The following CCT8 variants were observed in gnomAD, a reference collection of about 807,000 sequenced individuals.
The protein encoded by CCT8 is chaperonin containing TCP1 subunit 8.
Under a neutral mutation model 65.7 loss-of-function variants are expected in CCT8, and 10 were observed. That is an observed-to-expected ratio of 0.15 (90% CI 0.09 to 0.26). The LOEUF is 0.26. CCT8 is among the 10% of genes least tolerant of loss of function. The pLI, the probability that CCT8 is intolerant of heterozygous loss-of-function variation, is 1.00. For missense variants in CCT8, 568 were observed against 669.1 expected, an observed-to-expected ratio of 0.85 and a Z score of 1.67; for synonymous variants, 199 against 221.8, an observed-to-expected ratio of 0.90 and a Z score of 0.92.
At chr21:29,061,609 C>T (rs2085565281) in intron 11 of CCT8, 42 bp from the exon 12 acceptor site, 3 of 1,574,404 alleles carry the variant, frequency 1.9e-6, no homozygotes, top group Non-Finnish European at 2.6e-6. Context: ...GAACACAAAA[C>T]AAATTCACTA....
chr21:29,071,069 A>C (rs1256531231), intron 1 of CCT8, among the ~76,000 whole-genome samples: 6 of 152,228 alleles, frequency 3.9e-5, no homozygotes, highest in Admixed American at 3.9e-4. Context: ...TTGGGTCCTC[A>C]GATATATTTC....
Position 29,056,562 on chromosome 21 carries a change from A to G in CCT8, c.1570-10T>C, listed in dbSNP as rs1421865144. ...GTTTTGCCATGATGATCTGCATAAA[A>G]AAGAATCACACAAGAGTATGCTTAT... On this transcript the variant is annotated splice_polypyrimidine_tract_variant and intron_variant, in intron 14 of 14. Coordinates refer to ENST00000286788, the MANE Select transcript of CCT8 (RefSeq NM_006585.4). The G allele has an allele frequency of 6.5e-7, 1 of 1,534,218 alleles. No individual in the cohort carries two copies. Among genetic ancestry groups the G allele is most frequent in the African/African-American group, 1.4e-5 (1 of 72,120 alleles).
intron 13 of CCT8, among the ~76,000 whole-genome samples, chr21:29,060,944 CAT>C (rs564903594): frequency 9.6e-4 from 146 of 152,254 alleles, no homozygotes; most frequent in Admixed American, 2.2e-3. Flanking sequence ...AATTATATAA[CAT>C]AGTGTAAATA....
chr21:29,069,088 ACT>A (rs1165096963), intron 3 of CCT8, among the ~76,000 whole-genome samples: 1 of 152,178 alleles, frequency 6.6e-6, no homozygotes, highest in Non-Finnish European at 1.5e-5. Flanking sequence ...TTTAAAAACC[ACT>A]GTTATATGTA....
chr21:29,073,121 T>A, intron 1 of CCT8: 1 of 309,534 alleles, frequency 3.2e-6, no homozygotes, highest in Non-Finnish European at 4.9e-6. Flanking sequence ...TTCTTCCCCA[T>A]CCTACAACTC....
intron 14 of CCT8, among the ~76,000 whole-genome samples, chr21:29,057,726 T>C (rs575471496): frequency 9.6e-4 from 141 of 146,452 alleles, no homozygotes; most frequent in Non-Finnish European, 1.8e-3. Flanking sequence ...ATCATACATA[T>C]ATGTATGATA....
chr21:29,064,703 C>T (rs560763222), intron 7 of CCT8, among the ~76,000 whole-genome samples: 3 of 152,186 alleles, frequency 2.0e-5, no homozygotes, highest in East Asian at 1.9e-4. Context: ...CTCACATTCT[C>T]ATATTCTTTC....
Position 29,073,632 on chromosome 21 carries a change from C to A in CCT8, c.-42G>T. The A allele has an allele frequency of 6.3e-7, 1 of 1,596,248 alleles. No individual in the cohort carries two copies. Among genetic ancestry groups the A allele is most frequent in the South Asian group, 1.1e-5 (1 of 90,748 alleles). On this transcript the variant is annotated 5_prime_UTR_variant, in exon 1 of 15. Coordinates refer to ENST00000286788, the MANE Select transcript of CCT8 (RefSeq NM_006585.4). ...GCAGTTCACGCGACCGCTCGGAAGA[C>A]CGCGGAGGAAGCGAGGAGCACGCAC...
intron 6 of CCT8, among the ~76,000 whole-genome samples, chr21:29,065,623 G>A (rs879157633): frequency 6.6e-6 from 1 of 152,108 alleles, no homozygotes; most frequent in Non-Finnish European, 1.5e-5. Flanking sequence ...TCCACTGATA[G>A]GTTTTACTCT....
chr21:29,066,759 G>C lies in CCT8; in HGVS notation c.581C>G (p.Ser194Cys), dbSNP rs749877026. ...GATGTTATCAACATTGAAATGGCCG[G>C]AATCAGGAAAAATAGATACTGTTAA... Reference protein sequence around the residue: ...AQACVSIFPDSGHFNVDNIRV... With the variant: ...AQACVSIFPDCGHFNVDNIRV... The change falls in exon 6 of 15, where the codon TCC (serine) becomes TGC (cysteine). Residue 194 changes from serine to cysteine, a missense_variant. By Grantham distance (112) the Ser-to-Cys change is moderately radical. Transcript: ENST00000286788. 5.6e-6 allele frequency: 9 copies of C among 1,607,408 alleles called. No homozygotes were observed. The highest frequency in any genetic ancestry group is 1.1e-5 in the South Asian group (1 of 89,360).
chr21:29,065,282 C>G (rs543495048), intron 6 of CCT8, among the ~76,000 whole-genome samples, 177 bp from the exon 7 acceptor site: 1 of 152,198 alleles, frequency 6.6e-6, no homozygotes, highest in South Asian at 2.1e-4. Context: ...CTGCTCGAGG[C>G]AGAAATCACT....
chr21:29,058,027 C>T (rs1259599672), intron 14 of CCT8: 2 of 151,546 alleles, frequency 1.3e-5, no homozygotes, highest in Admixed American at 6.6e-5. Flanking sequence ...ACAACAACAA[C>T]AAAAAAGATA....
At chr21:29,073,491 T>C (rs778401843) in intron 1 of CCT8, 40 bp downstream of exon 1, 1 of 1,613,766 alleles carries the variant, frequency 6.2e-7, no homozygotes, top group South Asian at 1.1e-5. Context: ...CGCAGCCCTA[T>C]GCTGACGCTC....
Position 29,056,523 on chromosome 21 carries a change from G to A in CCT8, c.1599C>T (p.Pro533=), listed in dbSNP as rs1451128033. The change falls in exon 15 of 15, where the codon CCC becomes CCT. Residue 533 remains proline, a synonymous_variant. Coordinates refer to ENST00000286788, the MANE Select transcript of CCT8 (RefSeq NM_006585.4). ...QIIMAKPAGG[P]KPPSGKKDWD... ...AGTCTTTCTTCCCACTTGGAGGCTT[G>A]GGCCCACCAGCTGGTTTTGCCATGA... 3.2e-6 allele frequency: 5 copies of A among 1,552,584 alleles called. No homozygotes were observed. The South Asian group carries it at 6.1e-5, about 19-fold the overall frequency.
chr21:29,065,277 C>A (rs141148644), intron 6 of CCT8, among the ~76,000 whole-genome samples, 172 bp from the exon 7 acceptor site: 1 of 152,282 alleles, frequency 6.6e-6, no homozygotes, highest in East Asian at 1.9e-4. Flanking sequence ...CCCTTCTGCT[C>A]GAGGCAGAAA....
At chr21:29,064,000 C>T (rs2085592618) in intron 7 of CCT8, among the ~76,000 whole-genome samples, 1 of 152,024 alleles carries the variant, frequency 6.6e-6, no homozygotes, top group African/African-American at 2.4e-5. Context: ...CTCCTGACCT[C>T]GTGATTTGCC....
intron 7 of CCT8, among the ~76,000 whole-genome samples, 163 bp downstream of exon 7, chr21:29,064,802 TCAG>T (rs1276291334): frequency 6.6e-6 from 1 of 152,186 alleles, no homozygotes; most frequent in African/African-American, 2.4e-5. Flanking sequence ...AGTTTAATGT[TCAG>T]TAGTTGAATT....
intron 7 of CCT8, 30 bp from the exon 8 acceptor site, chr21:29,063,560 A>C: frequency 1.2e-6 from 2 of 1,604,626 alleles, no homozygotes; most frequent in South Asian, 2.2e-5. Flanking sequence ...TTCCCTTTAA[A>C]ATCATTTCAC....
chr21:29,061,684 C>T, intron 11 of CCT8, 117 bp from the exon 12 acceptor site: 1 of 1,031,472 alleles, frequency 9.7e-7, no homozygotes, highest in South Asian at 1.5e-5. Flanking sequence ...GAGTTTTTAT[C>T]AGTCATTGTT....
Sources: gnomAD v4.1 joint callset for allele counts (sites outside exome capture counted in the v4.1 genomes callset) on GRCh38, gnomAD v4.1.1 for gene constraint, MANE v1.5 for transcripts, NCBI Gene and HGNC (gene_info 2026-07-23, HGNC 2026-07-21) for gene names.